Variants in NIPAL2 observed in about 807,000 individuals in gnomAD.
The protein encoded by NIPAL2 is NIPA like domain containing 2.
In NIPAL2, 43 loss-of-function variants were observed where a neutral mutation model predicts 48.9. The ratio of observed to expected loss-of-function variants is 0.88; its 90% CI spans 0.69 to 1.13. The LOEUF is 1.13. Among genes scored for constraint, NIPAL2 ranks in the 50% most tolerant of loss-of-function variants. The probability of loss-of-function intolerance (pLI) is 0.00; values close to 1 mark genes in which losing one functional copy is unlikely to be tolerated. For missense variants in NIPAL2, 446 were observed against 461.4 expected (o/e 0.97, Z 0.31); for synonymous variants, 167 against 174.6 (o/e 0.96, Z 0.34).
chr8:98,288,400 A>G (rs1586498507), intron 1 of NIPAL2, among the ~76,000 whole-genome samples: 2 of 151,318 alleles, frequency 1.3e-5, no homozygotes, highest in African/African-American at 2.4e-5. Context: ...ATAGTATTCC[A>G]TGGTGTATAT....
intron 5 of NIPAL2, among the ~76,000 whole-genome samples, chr8:98,216,358 G>T (rs1016931323): frequency 2.6e-5 from 4 of 152,212 alleles, no homozygotes; most frequent in African/African-American, 7.2e-5. Flanking sequence ...CATGTATACG[G>T]CCAGTATGCA....
At chr8:98,265,056 G>C (rs1296321505) in intron 1 of NIPAL2, among the ~76,000 whole-genome samples, 6 of 138,206 alleles carry the variant, frequency 4.3e-5, no homozygotes, top group Non-Finnish European at 7.8e-5. Flanking sequence ...AATAAATGGT[G>C]CTGGGAAAAC....
intron 4 of NIPAL2, among the ~76,000 whole-genome samples, chr8:98,223,379 A>G (rs1158547910): frequency 6.6e-6 from 1 of 152,150 alleles, no homozygotes; most frequent in Non-Finnish European, 1.5e-5. Flanking sequence ...AGAAGGGGTG[A>G]AGGGAGGACT....
At chr8:98,247,844 C>A (rs1216117062) in intron 3 of NIPAL2, among the ~76,000 whole-genome samples, 1 of 152,208 alleles carries the variant, frequency 6.6e-6, no homozygotes, top group Admixed American at 6.5e-5. Flanking sequence ...TTATTACAAA[C>A]TCCACAGAAT....
chr8:98,293,321 C>A (rs1816590739), intron 1 of NIPAL2, among the ~76,000 whole-genome samples: 1 of 152,208 alleles, frequency 6.6e-6, no homozygotes, highest in Non-Finnish European at 1.5e-5. Flanking sequence ...ACTTCCTCAT[C>A]TTAAACCAAG....
intron 1 of NIPAL2, among the ~76,000 whole-genome samples, chr8:98,292,251 T>C (rs1233105783): frequency 6.6e-6 from 1 of 152,178 alleles, no homozygotes; most frequent in Non-Finnish European, 1.5e-5. Flanking sequence ...ACAAGAAAAA[T>C]TAGACTCAAT....
rs115234179 is a variant in NIPAL2, at chr8:98,229,047, C to A, written c.437-6447G>T. ...TATTGGAGGGGACATAAAACAGCAGCCAGACAGCTGTGGGTAAGCTGCAGG... is the reference window on the plus strand; with the variant it reads ...TATTGGAGGGGACATAAAACAGCAGACAGACAGCTGTGGGTAAGCTGCAGG... On this transcript the variant is annotated intron_variant, in intron 4 of 10. Transcript: ENST00000430223. Among the ~76,000 whole-genome samples the A allele has an allele frequency of 3.0e-3, 451 of 152,308 alleles. 1 individual carries two copies. Among genetic ancestry groups the A allele is most frequent in the African/African-American group, 0.01 (434 of 41,568 alleles).
intron 5 of NIPAL2, among the ~76,000 whole-genome samples, chr8:98,213,258 A>G (rs994742526): frequency 2.6e-5 from 4 of 152,014 alleles, no homozygotes; most frequent in South Asian, 2.1e-4. Flanking sequence ...TTTATCATTC[A>G]CTTTCTTTAT....
chr8:98,250,906 C>T (rs1281506409), intron 3 of NIPAL2, among the ~76,000 whole-genome samples: 1 of 152,156 alleles, frequency 6.6e-6, no homozygotes, highest in Admixed American at 6.5e-5. Context: ...CCACTGCTGA[C>T]CCTGAAGTGC....
chr8:98,251,565 AT>A (rs1813591224), intron 3 of NIPAL2: 1 of 152,202 alleles, frequency 6.6e-6, no homozygotes, highest in Non-Finnish European at 1.5e-5. Context: ...TCATTAAAGT[AT>A]TTTAAATAAA....
At chr8:98,202,625 A>G (rs1446185601) in intron 8 of NIPAL2, among the ~76,000 whole-genome samples, 1 of 152,140 alleles carries the variant, frequency 6.6e-6, no homozygotes, top group East Asian at 1.9e-4. Context: ...ACCATGAGTA[A>G]AAGCTTCCTG....
At chr8:98,274,255 ATCTATCTATCTATCTC>A (rs1563547691) in intron 1 of NIPAL2, among the ~76,000 whole-genome samples, 5 of 151,436 alleles carry the variant, frequency 3.3e-5, no homozygotes, top group African/African-American at 9.7e-5. Flanking sequence ...TCTATCATCT[ATCTATCTATCTATCTC>A]TCTATCTATC....
chr8:98,276,476 C>A (rs534221044), intron 1 of NIPAL2, among the ~76,000 whole-genome samples: 1 of 152,242 alleles, frequency 6.6e-6, no homozygotes, highest in African/African-American at 2.4e-5. Context: ...CTGAAGGACA[C>A]CTTGGTTGCT....
chr8:98,287,596 G>A (rs1448190198), intron 1 of NIPAL2, among the ~76,000 whole-genome samples: 1 of 152,180 alleles, frequency 6.6e-6, no homozygotes, highest in Admixed American at 6.5e-5. Context: ...CTATAATATA[G>A]GTTGATTGCA....
chr8:98,284,642 T>C (rs1426171361), intron 1 of NIPAL2, among the ~76,000 whole-genome samples: 2 of 152,032 alleles, frequency 1.3e-5, no homozygotes, highest in African/African-American at 4.8e-5. Flanking sequence ...GGGAACACAA[T>C]GCAGACAGCC....
At chr8:98,279,663 T>A (rs970050441) in intron 1 of NIPAL2, among the ~76,000 whole-genome samples, 2 of 152,234 alleles carry the variant, frequency 1.3e-5, no homozygotes, top group African/African-American at 4.8e-5. Flanking sequence ...ATCTGCAGAA[T>A]GCAATAGATA....
At chr8:98,201,393 TA>T (rs1225063798) in intron 8 of NIPAL2, among the ~76,000 whole-genome samples, 1 of 152,180 alleles carries the variant, frequency 6.6e-6, no homozygotes, top group Admixed American at 6.5e-5. Context: ...TTTTAACTTT[TA>T]TTTTTTTAGA....
intron 6 of NIPAL2, among the ~76,000 whole-genome samples, chr8:98,206,846 A>G (rs1348967155): frequency 6.6e-6 from 1 of 152,092 alleles, no homozygotes; most frequent in Non-Finnish European, 1.5e-5. Context: ...TCTAAAAACA[A>G]ACCCCACTTC....
chr8:98,268,867 T>G (rs1467115871), intron 1 of NIPAL2, among the ~76,000 whole-genome samples: 1 of 152,144 alleles, frequency 6.6e-6, no homozygotes, highest in Non-Finnish European at 1.5e-5. Context: ...TGTTTAAAAA[T>G]GTTAGACATA....
Sources: allele counts gnomAD v4.1 joint callset (sites outside exome capture counted in the v4.1 genomes callset), GRCh38; gene constraint gnomAD v4.1.1; transcripts MANE v1.5; gene names NCBI Gene and HGNC (gene_info 2026-07-23, HGNC 2026-07-21).